Variants in AP5M1 observed in about 807,000 individuals in gnomAD.
AP5M1 encodes the protein adaptor related protein complex 5 subunit mu 1.
AP5M1 carries 44 observed loss-of-function variants against 52.3 expected under a neutral mutation model. The ratio of observed to expected loss-of-function variants is 0.84; its 90% CI spans 0.66 to 1.08. The LOEUF (loss-of-function observed/expected upper bound fraction) is 1.08, where lower values mean the gene tolerates loss of function less well. Among genes scored for constraint, AP5M1 ranks in the 50% least tolerant of loss-of-function variants. The probability of loss-of-function intolerance (pLI) is 0.00; values close to 1 mark genes in which losing one functional copy is unlikely to be tolerated. For synonymous variants in AP5M1, 213 were observed against 199.0 expected (o/e 1.07, Z -0.59); for missense variants, 526 against 568.4 (o/e 0.93, Z 0.76).
At position 57,270,779 on chromosome 14, in the gene AP5M1, T is replaced by C. The variant is rs1250972983; in HGVS notation, c.74+1391T>C. On this transcript the variant is annotated intron_variant, in intron 1 of 7. Coordinates refer to ENST00000261558, the MANE Select transcript of AP5M1 (RefSeq NM_018229.4). ...ACTCTTAACATCTTCGATGTTACTC[T>C]TTTTCATTGTATGCATTTTTCAAAT... 3.3e-5 allele frequency among the ~76,000 whole-genome samples: 5 copies of C among 152,252 alleles called. No individual in the cohort carries two copies. In the South Asian group the frequency reaches 8.3e-4, roughly 25 times the overall value.
chr14:57,277,470 C>T (rs967490844), intron 2 of AP5M1, among the ~76,000 whole-genome samples: 6 of 152,038 alleles, frequency 3.9e-5, no homozygotes, highest in African/African-American at 1.2e-4. Context: ...TATTAGTTCA[C>T]ATATAGAAAA....
rs1188461228 is a variant in AP5M1, at chr14:57,280,340, A to T, written c.866A>T (p.Asp289Val). The change falls in exon 3 of 8, where the codon GAT becomes GTT. Residue 289 changes from aspartate to valine, a missense_variant. Asp to Val is a radical substitution (Grantham distance 152, BLOSUM62 -3). This residue lies in a region of AP5M1 where 425 missense variants were observed against 430.6 expected (regional missense o/e 0.99). Transcript: ENST00000261558. ...ILTSSSIDAM[D>V]DSAFSGPYKF... ...ACTTCTAGTAGTATTGATGCAATGG[A>T]TGACTCTGCATTTAGTGGGCCTTAC... The T allele has an allele frequency of 1.9e-6, 3 of 1,613,948 alleles. No homozygotes were observed. The highest frequency in any genetic ancestry group is 3.3e-5 in the Admixed American group (2 of 60,016).
intron 1 of AP5M1, among the ~76,000 whole-genome samples, chr14:57,273,360 T>C (rs1002277803): frequency 1.2e-4 from 18 of 152,224 alleles, no homozygotes; most frequent in Non-Finnish European, 1.9e-4. Flanking sequence ...GCTGATTTGT[T>C]GCCACCCCTT....
rs922560623 is a variant in AP5M1 at position 57,283,147 on chromosome 14, T to C, written c.1210T>C (p.Ser404Pro). The C allele has an allele frequency of 1.9e-6, 3 of 1,613,772 alleles. No homozygotes were observed. The highest frequency in any genetic ancestry group is 2.5e-6 in the Non-Finnish European group (3 of 1,179,956). Residue 404 changes from serine to proline, a missense_variant, in exon 6 of 8, where the codon TCT becomes CCT. By Grantham distance (74) the Ser-to-Pro change is moderately conservative. Transcript: ENST00000261558. The stretch of plus-strand genomic sequence containing the variant: ...CCCAAAATCAATGGAAATTAGTCTT[T>C]CTGGAACTGTAACTTTTGGAGCCAA... ...KFPKSMEISL[S>P]GTVTFGAKSH...
Position 57,298,373 on chromosome 14 carries a change from A to G in AP5M1, c.*9489A>G, listed in dbSNP as rs1261138457. ...ATAGAGAAAATAATACAGTCTTTGA[A>G]GTCACACAGGCCTGATTTCAAATCC... On this transcript the variant is annotated 3_prime_UTR_variant, in exon 8 of 8. Coordinates refer to ENST00000261558, the MANE Select transcript of AP5M1 (RefSeq NM_018229.4). The G allele has an allele frequency of 6.6e-6, 1 of 152,210 alleles. No homozygotes were observed. Among genetic ancestry groups the G allele is most frequent in the Non-Finnish European group, 1.5e-5 (1 of 68,044 alleles). The allele number at this position is 152,210 out of a possible 1,614,324, so 9.4% of individuals were successfully genotyped here.
chr14:57,273,770 C>A (rs769508105), intron 1 of AP5M1: 5 of 700,312 alleles, frequency 7.1e-6, no homozygotes, highest in African/African-American at 1.8e-5. Context: ...ATAGAACATT[C>A]CTTTTAAAAT....
intron 1 of AP5M1, among the ~76,000 whole-genome samples, chr14:57,273,926 C>T (rs1884954416): frequency 6.6e-6 from 1 of 152,138 alleles, no homozygotes. Context: ...TCCTTGCTGA[C>T]CAAGATGGTA....
At chr14:57,280,045 A>C in intron 2 of AP5M1, 150 bp from the exon 3 acceptor site, 1 of 672,214 alleles carries the variant, frequency 1.5e-6, no homozygotes, top group Non-Finnish European at 2.6e-6. Context: ...GAACATGATA[A>C]AACCATTAAT....
intron 2 of AP5M1, among the ~76,000 whole-genome samples, chr14:57,276,156 C>A (rs1885031445): frequency 6.6e-6 from 1 of 151,802 alleles, no homozygotes; most frequent in East Asian, 1.9e-4. Flanking sequence ...AAAATATACT[C>A]CAGTTACTCA....
chr14:57,284,162 C>T (rs1885250895), intron 6 of AP5M1, among the ~76,000 whole-genome samples: 1 of 152,078 alleles, frequency 6.6e-6, no homozygotes, highest in African/African-American at 2.4e-5. Flanking sequence ...GAAGTTTAAG[C>T]CAAACTCTGA....
At chr14:57,272,855 C>T (rs1208226556) in intron 1 of AP5M1, among the ~76,000 whole-genome samples, 6 of 152,140 alleles carry the variant, frequency 3.9e-5, no homozygotes, top group Non-Finnish European at 8.8e-5. Flanking sequence ...GTGATATTTA[C>T]CTACACATGG....
At chr14:57,275,190 G>A in intron 2 of AP5M1, 1 of 388,012 alleles carries the variant, frequency 2.6e-6, no homozygotes, top group Non-Finnish European at 4.8e-6. Context: ...TGAAGTTGCA[G>A]TCAAGTTTTC....
rs1360683510 is a variant in AP5M1, at chr14:57,289,541, T to G, written c.*657T>G. The G allele has an allele frequency of 1.3e-5, 2 of 152,048 alleles. No individual in the cohort carries two copies. The highest frequency in any genetic ancestry group is 2.9e-5 in the Non-Finnish European group (2 of 67,958). 9.4% of individuals were successfully genotyped at this position (152,048 alleles called of 1,614,324 possible). A position where few individuals can be genotyped will look rare whatever the true frequency, so the allele number is the denominator to read the frequency against. On this transcript the variant is annotated 3_prime_UTR_variant, in exon 8 of 8. Transcript: ENST00000261558. ...TACTTAAGGTGTGTAATCTCTGTTC[T>G]AGAGTTAGTTTTTAAGTAAGCTTGT... is the stretch of plus-strand genomic sequence containing the variant.
chr14:57,292,975 A>T lies in AP5M1; in HGVS notation c.*4091A>T, dbSNP rs1885472028. On this transcript the variant is annotated 3_prime_UTR_variant, in exon 8 of 8. Transcript: ENST00000261558. ...TTTTCAGAATGCTTTTTTAAAAAAA[A>T]AAAGTGACAGCATTACCAAAATAGC... 1 of 151,722 alleles carries T rather than the reference A, an allele frequency of 6.6e-6. No individual in the cohort carries two copies. The highest frequency in any genetic ancestry group is 2.1e-4 in the South Asian group (1 of 4,832). The allele number at this position is 151,722 out of a possible 1,614,324, so 9.4% of individuals were successfully genotyped here.
Position 57,289,025 on chromosome 14 carries a change from T to C in AP5M1, c.*141T>C. On this transcript the variant is annotated 3_prime_UTR_variant, in exon 8 of 8. Coordinates refer to ENST00000261558, the MANE Select transcript of AP5M1 (RefSeq NM_018229.4). ...TTGTAAAAGTAGTCTTATGTGGTGT[T>C]TGTAGTCTGATAGAGCTTGAAAGGA... 1 of 526,354 alleles carries C rather than the reference T, an allele frequency of 1.9e-6. No individual in the cohort carries two copies. The highest frequency in any genetic ancestry group is 4.0e-5 in the Admixed American group (1 of 25,200). The allele number at this position is 526,354 out of a possible 1,614,324, so 32.6% of individuals were successfully genotyped here. A position where few individuals can be genotyped will look rare whatever the true frequency, so the allele number is the denominator to read the frequency against.
chr14:57,298,107 C>T lies in AP5M1; in HGVS notation c.*9223C>T, dbSNP rs1156872491. ...AGTGAACTTTAAAACATTTGGCACTCGTATCTTAGAAATGTCCTTCCGAAA... is the reference window on the plus strand; with the variant it reads ...AGTGAACTTTAAAACATTTGGCACTTGTATCTTAGAAATGTCCTTCCGAAA... On this transcript the variant is annotated 3_prime_UTR_variant, in exon 8 of 8. Coordinates refer to ENST00000261558, the MANE Select transcript of AP5M1 (RefSeq NM_018229.4). 1.3e-5 allele frequency: 2 copies of T among 152,120 alleles called. No homozygotes were observed. The highest frequency in any genetic ancestry group is 6.6e-5 in the Admixed American group (1 of 15,264). The allele number at this position is 152,120 out of a possible 1,614,324, so 9.4% of individuals were successfully genotyped here.
chr14:57,272,995 C>T (rs1037559809), intron 1 of AP5M1, among the ~76,000 whole-genome samples: 77 of 151,910 alleles, frequency 5.1e-4, no homozygotes, highest in African/African-American at 1.5e-3. Context: ...GTCACAATCT[C>T]GGCTCGGCTC....
At position 57,288,856 on chromosome 14, in the gene AP5M1, C is replaced by T. The variant is rs1481592383; in HGVS notation, c.1445C>T (p.Pro482Leu). 5 of 1,578,582 alleles carry T rather than the reference C, an allele frequency of 3.2e-6. No homozygotes were observed. The highest frequency in any genetic ancestry group is 1.1e-5 in the South Asian group (1 of 89,280). The change falls in exon 8 of 8, where the codon CCA (proline) becomes CTA (leucine). Residue 482 changes from proline to leucine, a missense_variant. Pro to Leu is a moderately conservative substitution (Grantham distance 98). Around this residue, in one of 3 missense-constraint regions of AP5M1, gnomAD observed 97 missense variants for 121.3 expected, o/e 0.80. Coordinates refer to ENST00000261558, the MANE Select transcript of AP5M1 (RefSeq NM_018229.4). ...ATCTGGAATTCTAAAGCCCCTGCTC[C>T]AGTAACATATGGATCATTATTATTG... ...YYIWNSKAPA[P>L]VTYGSLLL
At chr14:57,282,611 A>G (rs1395515987) in intron 4 of AP5M1, among the ~76,000 whole-genome samples, 1 of 152,186 alleles carries the variant, frequency 6.6e-6, no homozygotes, top group African/African-American at 2.4e-5. Context: ...ATTCTGTAGC[A>G]TAGTTTTTTG....
Sources: allele counts gnomAD v4.1 joint callset (sites outside exome capture counted in the v4.1 genomes callset), GRCh38; gene constraint gnomAD v4.1.1; regional missense constraint gnomAD v4.1.1; transcripts MANE v1.5; gene names NCBI Gene and HGNC (gene_info 2026-07-23, HGNC 2026-07-21).